The following MAP1LC3B2 variants were observed in gnomAD, a reference collection of about 807,000 sequenced individuals.
MAP1LC3B2 encodes microtubule-associated protein 1 light chain 3 beta 2.
For synonymous variants in MAP1LC3B2, 62 were observed against 57.8 expected (o/e 1.07, Z -0.33); for missense variants, 155 against 154.6 (o/e 1.00, Z -0.01).
intron 1 of MAP1LC3B2, among the ~76,000 whole-genome samples, chr12:116,570,611 T>TC (rs1274444879): frequency 6.6e-6 from 1 of 152,150 alleles, no homozygotes; most frequent in Non-Finnish European, 1.5e-5. Flanking sequence ...TATAAGGGGT[T>TC]CCCCCTTTCA....
At chr12:116,573,016 C>A (rs940769756) in intron 1 of MAP1LC3B2, among the ~76,000 whole-genome samples, 1 of 152,156 alleles carries the variant, frequency 6.6e-6, no homozygotes, top group African/African-American at 2.4e-5. Flanking sequence ...CCTCTGCCTC[C>A]TGGGTTCAAG....
intron 1 of MAP1LC3B2, among the ~76,000 whole-genome samples, chr12:116,566,616 TAA>T (rs58530141): frequency 0.034 from 3,069 of 91,440 alleles, 112 homozygotes; most frequent in African/African-American, 0.12. Context: ...AGTCAGTGAT[TAA>T]AAAAAAAAAA....
At chr12:116,560,792 A>G (rs1316909358) in intron 1 of MAP1LC3B2, among the ~76,000 whole-genome samples, 3 of 150,008 alleles carry the variant, frequency 2.0e-5, no homozygotes. Flanking sequence ...CTTGGGCAAC[A>G]TAGGGAGACC....
At chr12:116,571,669 G>C (rs1183002605) in intron 1 of MAP1LC3B2, among the ~76,000 whole-genome samples, 4 of 151,216 alleles carry the variant, frequency 2.6e-5, no homozygotes, top group Non-Finnish European at 5.9e-5. Context: ...TTTTAGTAGA[G>C]ACGGGATTTC....
In MAP1LC3B2 at chr12:116,571,458, C is replaced by CTTTTTTTTTTTTTTTT. The variant is rs71095564; in HGVS notation, c.-101-4359_-101-4344dup. 1.5e-4 allele frequency among the ~76,000 whole-genome samples: 7 copies of CTTTTTTTTTTTTTTTT among 48,104 alleles called. 2 individuals carry two copies. Among genetic ancestry groups the CTTTTTTTTTTTTTTTT allele is most frequent in the African/African-American group, 3.4e-4 (4 of 11,606 alleles). The allele number at this position is 48,104 out of a possible 152,430, so 31.6% of individuals were successfully genotyped here. ...TAGATGGGAGTAAGGGACTGCTGTT[C>CTTTTTTTTTTTTTTTT]TTTTTTTTTTTTTTTTTTTTTTTTT... On this transcript the variant is annotated intron_variant, in intron 1 of 1. Coordinates refer to ENST00000556529, the MANE Select transcript of MAP1LC3B2 (RefSeq NM_001085481.3).
At chr12:116,566,866 G>A (rs1869398908) in intron 1 of MAP1LC3B2, among the ~76,000 whole-genome samples, 2 of 128,258 alleles carry the variant, frequency 1.6e-5, no homozygotes, top group South Asian at 2.6e-4. Flanking sequence ...AGGAGGTAGA[G>A]GTTGCAGAGA....
At chr12:116,566,338 AG>A (rs527297822) in intron 1 of MAP1LC3B2, among the ~76,000 whole-genome samples, 27 of 152,228 alleles carry the variant, frequency 1.8e-4, no homozygotes, top group Non-Finnish European at 3.4e-4. Context: ...AGGTAGCTGC[AG>A]GCTAGATTAT....
intron 1 of MAP1LC3B2, among the ~76,000 whole-genome samples, chr12:116,570,761 A>G (rs1238301147): frequency 6.6e-6 from 1 of 152,208 alleles, no homozygotes; most frequent in Non-Finnish European, 1.5e-5. Flanking sequence ...TATCAGCCAC[A>G]TGAAAACAAA....
chr12:116,561,381 A>G (rs1171976135), intron 1 of MAP1LC3B2, among the ~76,000 whole-genome samples: 1 of 152,140 alleles, frequency 6.6e-6, no homozygotes, highest in African/African-American at 2.4e-5. Flanking sequence ...GCAGCTACAA[A>G]CCAAGGATAT....
chr12:116,571,177 A>G (rs1175233090), intron 1 of MAP1LC3B2, among the ~76,000 whole-genome samples: 5 of 152,222 alleles, frequency 3.3e-5, no homozygotes, highest in Non-Finnish European at 5.9e-5. Context: ...ACACTATGGA[A>G]TAACAATCTT....
intron 1 of MAP1LC3B2, 117 bp from the exon 2 acceptor site, chr12:116,575,725 G>A: frequency 1.6e-6 from 1 of 613,232 alleles, no homozygotes; most frequent in South Asian, 2.0e-5. Flanking sequence ...CTATAGAACA[G>A]GTGTCAGCAG....
intron 1 of MAP1LC3B2, among the ~76,000 whole-genome samples, chr12:116,566,171 C>G (rs547069743): frequency 2.0e-5 from 3 of 152,322 alleles, no homozygotes; most frequent in African/African-American, 7.2e-5. Flanking sequence ...GAGAATAAAA[C>G]TTGCTTGGGG....
intron 1 of MAP1LC3B2, among the ~76,000 whole-genome samples, chr12:116,569,353 CTA>C (rs956921056): frequency 1.3e-5 from 2 of 152,146 alleles, no homozygotes; most frequent in African/African-American, 4.8e-5. Context: ...CCTCCTGTCT[CTA>C]TGTGGTCTTT....
chr12:116,562,206 AC>A (rs1566022960), intron 1 of MAP1LC3B2, among the ~76,000 whole-genome samples: 1 of 152,266 alleles, frequency 6.6e-6, no homozygotes, highest in South Asian at 2.1e-4. Flanking sequence ...CGATGCCAAA[AC>A]CCCAGAAAGC....
chr12:116,567,345 T>C (rs976614290), intron 1 of MAP1LC3B2, among the ~76,000 whole-genome samples: 6 of 152,084 alleles, frequency 3.9e-5, no homozygotes, highest in African/African-American at 1.4e-4. Context: ...AAGAAAGAAA[T>C]CATGGTAATT....
At chr12:116,559,617 A>G (rs1040889966) in intron 1 of MAP1LC3B2, among the ~76,000 whole-genome samples, 184 bp downstream of exon 1, 2 of 152,132 alleles carry the variant, frequency 1.3e-5, no homozygotes, top group East Asian at 3.9e-4. Flanking sequence ...CTTGTAAGAC[A>G]CAGTCCATGT....
chr12:116,567,448 CTT>C (rs35722581), intron 1 of MAP1LC3B2, among the ~76,000 whole-genome samples: 35 of 127,800 alleles, frequency 2.7e-4, no homozygotes, highest in Admixed American at 5.8e-4. Flanking sequence ...CTTTGCAAAT[CTT>C]TTTTTTTTTT....
At chr12:116,573,896 G>A (rs1869605850) in intron 1 of MAP1LC3B2, among the ~76,000 whole-genome samples, 1 of 152,230 alleles carries the variant, frequency 6.6e-6, no homozygotes, top group African/African-American at 2.4e-5. Context: ...TTTCACAGAA[G>A]TAGAAATGCA....
intron 1 of MAP1LC3B2, among the ~76,000 whole-genome samples, chr12:116,567,448 CTTTT>C (rs35722581): frequency 1.6e-5 from 2 of 127,800 alleles, no homozygotes; most frequent in Admixed American, 8.2e-5. Context: ...CTTTGCAAAT[CTTTT>C]TTTTTTTTTT....
Sources: allele counts gnomAD v4.1 joint callset (sites outside exome capture counted in the v4.1 genomes callset), GRCh38; gene constraint gnomAD v4.1.1; transcripts MANE v1.5; gene names NCBI Gene and HGNC (gene_info 2026-07-23, HGNC 2026-07-21).